CACNA1S: variants seen among roughly 807,000 people sequenced by gnomAD.
CACNA1S encodes voltage-dependent L-type calcium channel subunit alpha-1S.
In CACNA1S, 126 loss-of-function variants were observed where a neutral mutation model predicts 207.4. That is an observed-to-expected ratio of 0.61 (90% CI 0.53 to 0.70). The LOEUF is 0.70. Among genes scored for constraint, CACNA1S ranks in the 30% least tolerant of loss-of-function variants. The pLI is 0.00. For synonymous variants in CACNA1S, 960 were observed against 932.7 expected (o/e 1.03, Z -0.53); for missense variants, 2,349 against 2,422.8 (o/e 0.97, Z 0.64).
chr1:201,058,143 A>G (rs1399546461), intron 28 of CACNA1S, among the ~76,000 whole-genome samples: 3 of 151,918 alleles, frequency 2.0e-5, no homozygotes, highest in African/African-American at 7.3e-5. Flanking sequence ...TGACCACCCC[A>G]CCCAGAGACG....
chr1:201,097,264 A>C (rs532811593), intron 2 of CACNA1S, among the ~76,000 whole-genome samples: 55 of 152,012 alleles, frequency 3.6e-4, no homozygotes, highest in Admixed American at 2.8e-3. Context: ...CCTTGCTTGC[A>C]AGTCTGCAAT....
chr1:201,088,588 T>A (rs1363408903), intron 6 of CACNA1S, among the ~76,000 whole-genome samples: 1 of 152,234 alleles, frequency 6.6e-6, no homozygotes, highest in Non-Finnish European at 1.5e-5. Context: ...AGAGTTCGAT[T>A]CTTGGCTCTG....
intron 14 of CACNA1S, 140 bp downstream of exon 14, chr1:201,074,366 T>G: frequency 1.4e-6 from 1 of 701,252 alleles, no homozygotes; most frequent in Non-Finnish European, 2.6e-6. Flanking sequence ...ATGTGCAGGT[T>G]ACAGAAGTTT....
At chr1:201,104,385 G>A (rs1662799264) in intron 2 of CACNA1S, among the ~76,000 whole-genome samples, 1 of 152,208 alleles carries the variant, frequency 6.6e-6, no homozygotes, top group Non-Finnish European at 1.5e-5. Flanking sequence ...CACTGACCTA[G>A]GAGGGAATGT....
intron 2 of CACNA1S, among the ~76,000 whole-genome samples, chr1:201,102,399 G>A (rs1425892535): frequency 6.6e-6 from 1 of 152,182 alleles, no homozygotes; most frequent in Non-Finnish European, 1.5e-5. Flanking sequence ...CCCAAGGTAA[G>A]AGGCAGGCCC....
Position 201,047,182 on chromosome 1 carries a change from C to T in CACNA1S, c.4601G>A (p.Arg1534Gln), listed in dbSNP as rs891244994. Residue 1534 changes from arginine (R) to glutamine (Q), a missense_variant, in exon 38 of 44, where the codon CGG becomes CAG. By Grantham distance (43) the Arg-to-Gln change is conservative (BLOSUM62 1). Coordinates refer to ENST00000362061, the MANE Select transcript of CACNA1S (RefSeq NM_000069.3). ...CTCCTCTTGGCGTTTCATGAACTTCCGGAAGTGCTCCTGGATGAGGAATGT... is the reference window on the plus strand; with the variant it reads ...CTCCTCTTGGCGTTTCATGAACTTCTGGAAGTGCTCCTGGATGAGGAATGT... ...YATFLIQEHF[R>Q]KFMKRQEEYY... 7 of 1,614,182 alleles carry T rather than the reference C, an allele frequency of 4.3e-6. No individual in the cohort carries two copies. Among genetic ancestry groups the T allele is most frequent in the South Asian group, 3.3e-5 (3 of 91,080 alleles).
In CACNA1S at chr1:201,112,258, G is replaced by A. The variant is rs1297380219; in HGVS notation, c.82C>T (p.Pro28Ser). The part of the protein sequence containing the change: ...KPVPEILPRP[P>S]RALFCLTLEN... ...AGGGTCAGGCAGAACAAGGCCCGGG[G>A]TGGCCTTGGCAGAATCTCAGGAACT... Residue 28 changes from proline to serine, a missense_variant, in exon 1 of 44, where the codon CCC becomes TCC. By Grantham distance (74) the Pro-to-Ser change is moderately conservative. Coordinates refer to ENST00000362061, the MANE Select transcript of CACNA1S (RefSeq NM_000069.3). The A allele has an allele frequency of 1.2e-6, 2 of 1,614,022 alleles. No homozygotes were observed. The highest frequency in any genetic ancestry group is 2.2e-5 in the East Asian group (1 of 44,836).
Position 201,085,460 on chromosome 1 carries a change from T to C in CACNA1S, c.1126A>G (p.Met376Val). 1.9e-6 allele frequency: 3 copies of C among 1,613,328 alleles called. No homozygotes were observed. The highest frequency in any genetic ancestry group is 2.5e-6 in the Non-Finnish European group (3 of 1,179,894). Residue 376 changes from methionine (M) to valine (V), a missense_variant, in exon 8 of 44, where the codon ATG (methionine) becomes GTG (valine). Transcript: ENST00000362061. ...CCTTCTCTGAAGTCCTCAACATCCA[T>C]GACCTCGCCCTGCGTGATCCAGCTC... is the stretch of plus-strand genomic sequence containing the variant. Reference protein sequence around the residue: ...YMSWITQGEVMDVEDFREGKL... With the variant: ...YMSWITQGEVVDVEDFREGKL...
Position 201,093,944 on chromosome 1 carries a change from G to C in CACNA1S, c.336C>G (p.Phe112Leu), listed in dbSNP as rs374324813. 50 of 1,614,040 alleles carry C rather than the reference G, an allele frequency of 3.1e-5. 1 individual carries two copies. The highest frequency in any genetic ancestry group is 1.0e-4 in the Admixed American group (6 of 60,002). The part of the protein sequence containing the change: ...AMKIIAYGFL[F>L]HQDAYLRSGW... ...CACTGCGCAGGTAAGCGTCCTGGTG[G>C]AATAAGAAGCCGTAGGCAATGATCT... Residue 112 changes from phenylalanine to leucine, a missense_variant, in exon 3 of 44, where the codon TTC becomes TTG. By Grantham distance (22) the Phe-to-Leu change is conservative. Transcript: ENST00000362061.
chr1:201,064,804 TCTC>T (rs1209242633), intron 22 of CACNA1S, among the ~76,000 whole-genome samples: 1 of 152,192 alleles, frequency 6.6e-6, no homozygotes, highest in African/African-American at 2.4e-5. Flanking sequence ...ATAGCTGTGT[TCTC>T]CTAGGAAAAT....
intron 19 of CACNA1S, among the ~76,000 whole-genome samples, chr1:201,067,429 C>T (rs1358803346): frequency 1.3e-5 from 2 of 152,218 alleles, no homozygotes; most frequent in Non-Finnish European, 2.9e-5. Context: ...TCTCCTCCCT[C>T]TCCACCTCCT....
Position 201,061,307 on chromosome 1 carries a change from C to T in CACNA1S, c.3215G>A (p.Gly1072Glu), listed in dbSNP as rs1407644056. The T allele has an allele frequency of 1.2e-6, 2 of 1,614,228 alleles. No individual in the cohort carries two copies. Among genetic ancestry groups the T allele is most frequent in the Admixed American group, 3.3e-5 (2 of 60,034 alleles). ...GFVIVTFQEQ[G>E]ETEYKNCELD... ...CTCACAGTTCTTGTACTCAGTCTCT[C>T]CCTGCTCCTGGAAGGTGACAATGAC... The change falls in exon 25 of 44, where the codon GGA becomes GAA. Residue 1072 changes from glycine to glutamate, a missense_variant. Transcript: ENST00000362061.
chr1:201,076,093 C>A (rs1043542532), intron 12 of CACNA1S, among the ~76,000 whole-genome samples: 1 of 152,134 alleles, frequency 6.6e-6, no homozygotes, highest in Admixed American at 6.6e-5. Context: ...ACCCCTATCC[C>A]AGTGATCTAG....
intron 11 of CACNA1S, among the ~76,000 whole-genome samples, chr1:201,077,539 CCTT>C (rs1205026063): frequency 6.6e-6 from 1 of 151,996 alleles, no homozygotes; most frequent in Non-Finnish European, 1.5e-5. Context: ...CTGTGTTCCT[CCTT>C]CTTTCTTATT....
chr1:201,108,105 ATT>A lies in CACNA1S; in HGVS notation c.258+2057_258+2058del, dbSNP rs61596637. 2.3e-3 allele frequency among the ~76,000 whole-genome samples: 316 copies of A among 138,774 alleles called. 1 individual carries two copies. The highest frequency in any genetic ancestry group is 4.7e-3 in the African/African-American group (175 of 36,988). 91.0% of individuals were successfully genotyped at this position (138,774 alleles called of 152,430 possible). A position where few individuals can be genotyped will look rare whatever the true frequency, so the allele number is the denominator to read the frequency against. ...AAGATGACATAACCATTAAGATGTA[ATT>A]TTTTTTTTTTTTTTTTGAGACAGGG... is the stretch of plus-strand genomic sequence containing the variant. On this transcript the variant is annotated intron_variant, in intron 2 of 43. Transcript: ENST00000362061.
intron 13 of CACNA1S, among the ~76,000 whole-genome samples, chr1:201,074,840 G>T (rs779439173): frequency 6.6e-6 from 1 of 152,194 alleles, no homozygotes; most frequent in Non-Finnish European, 1.5e-5. Context: ...AATCCCATCC[G>T]TTTCCTGTCC....
At chr1:201,049,163 C>T in intron 34 of CACNA1S, 64 bp from the exon 35 acceptor site, 1 of 1,151,204 alleles carries the variant, frequency 8.7e-7, no homozygotes, top group Admixed American at 2.0e-5. Context: ...CCTTTCTGCT[C>T]AGAGGATGGG....
intron 36 of CACNA1S, among the ~76,000 whole-genome samples, chr1:201,048,361 T>A (rs555726535): frequency 1.3e-5 from 2 of 151,910 alleles, no homozygotes; most frequent in South Asian, 4.2e-4. Flanking sequence ...AGCTGAGGAG[T>A]GTGGGAACAG....
At chr1:201,042,608 G>T (rs916605621) in intron 40 of CACNA1S, among the ~76,000 whole-genome samples, 21 of 152,182 alleles carry the variant, frequency 1.4e-4, no homozygotes, top group Non-Finnish European at 2.9e-5. Flanking sequence ...GAATTTAAGG[G>T]GTCTCTGTGA....
Sources: allele counts gnomAD v4.1 joint callset (sites outside exome capture counted in the v4.1 genomes callset), GRCh38; gene constraint gnomAD v4.1.1; transcripts MANE v1.5; gene names NCBI Gene and HGNC (gene_info 2026-07-23, HGNC 2026-07-21).